TRDN: variants seen among roughly 807,000 people sequenced by gnomAD.
TRDN encodes triadin.
TRDN carries 161 observed loss-of-function variants against 149.7 expected under a neutral mutation model. The observed-to-expected ratio is 1.08, with a 90% confidence interval of 0.95 to 1.23. The LOEUF (loss-of-function observed/expected upper bound fraction) is 1.23, where lower values mean the gene tolerates loss of function less well. Among genes scored for constraint, TRDN ranks in the 50% most tolerant of loss-of-function variants. The pLI, the probability that TRDN is intolerant of heterozygous loss-of-function variation, is 0.00. For missense variants in TRDN, 896 were observed against 823.5 expected (o/e 1.09, Z -1.08); for synonymous variants, 294 against 250.5 (o/e 1.17, Z -1.64).
chr6:123,279,059 G>A lies in TRDN; in HGVS notation c.1534C>T (p.Pro512Ser). Residue 512 changes from proline (P) to serine (S), a missense_variant, in exon 25 of 41, where the codon CCA becomes TCA. Physicochemically the swap from Pro to Ser is moderately conservative, Grantham distance 74. Transcript: ENST00000334268. ...ATTGAGCATGCATATAACATACGTG[G>A]AGGTTTAGGCTTGACTTCTTTGCCT... ...KAGKEVKPKP[P>S]QLQGKKEEKP... is the part of the protein sequence containing the mutation. 6.2e-7 allele frequency: 1 copy of A among 1,608,990 alleles called. No homozygotes were observed. The highest frequency in any genetic ancestry group is 8.5e-7 in the Non-Finnish European group (1 of 1,177,740).
rs76973912 is a variant in TRDN, at chr6:123,348,820, CT to C, written c.1369+3718del. Among the ~76,000 whole-genome samples, 462 of 152,152 alleles carry C rather than the reference CT, an allele frequency of 3.0e-3. 16 individuals carry two copies. In the East Asian group the frequency reaches 0.076, roughly 25 times the overall value. On this transcript the variant is annotated intron_variant, in intron 21 of 40. Coordinates refer to ENST00000334268, the MANE Select transcript of TRDN (RefSeq NM_006073.4). ...GAACATTATAATGAACTTCTGATTT[CT>C]TTTATATAATCTTGTCTAGAATGTC...
chr6:123,257,478 C>T (rs2114581986), intron 35 of TRDN, among the ~76,000 whole-genome samples: 1 of 152,118 alleles, frequency 6.6e-6, no homozygotes, highest in East Asian at 1.9e-4. Context: ...TTTCTGAGGC[C>T]TCTATTCTGT....
At chr6:123,427,707 T>G (rs1366885328) in intron 12 of TRDN, among the ~76,000 whole-genome samples, 4 of 152,178 alleles carry the variant, frequency 2.6e-5, no homozygotes, top group Non-Finnish European at 5.9e-5. Flanking sequence ...GTTCTCTGTT[T>G]CCTGATTTCC....
intron 12 of TRDN, among the ~76,000 whole-genome samples, chr6:123,427,593 T>C (rs1774175153): frequency 6.6e-6 from 1 of 152,074 alleles, no homozygotes; most frequent in Non-Finnish European, 1.5e-5. Flanking sequence ...TCCCACATTG[T>C]CTACTTCTAA....
At chr6:123,620,600 T>C (rs771907768) in intron 1 of TRDN, among the ~76,000 whole-genome samples, 1 of 152,150 alleles carries the variant, frequency 6.6e-6, no homozygotes, top group Admixed American at 6.6e-5. Context: ...AGATTATCTT[T>C]TAATCCTTCT....
At chr6:123,635,989 A>G (rs1335897208) in intron 1 of TRDN, among the ~76,000 whole-genome samples, 1 of 151,994 alleles carries the variant, frequency 6.6e-6, no homozygotes, top group Non-Finnish European at 1.5e-5. Context: ...AGCTTTCAGT[A>G]AAGCATTGAA....
chr6:123,324,671 G>A (rs1052287983), intron 23 of TRDN, among the ~76,000 whole-genome samples: 1 of 152,038 alleles, frequency 6.6e-6, no homozygotes, highest in Non-Finnish European at 1.5e-5. Context: ...AGTTGCACGT[G>A]TATTTCACCT....
chr6:123,440,806 C>T (rs1264103666), intron 10 of TRDN: 1 of 152,112 alleles, frequency 6.6e-6, no homozygotes, highest in African/African-American at 2.4e-5. Flanking sequence ...ATTTATTTTT[C>T]AATTTTCTTT....
At chr6:123,391,106 G>C (rs1286738821) in intron 13 of TRDN, among the ~76,000 whole-genome samples, 3 of 151,748 alleles carry the variant, frequency 2.0e-5, no homozygotes, top group African/African-American at 4.8e-5. Context: ...TTTCCAATTT[G>C]GGTCTATATC....
intron 24 of TRDN, among the ~76,000 whole-genome samples, chr6:123,290,729 A>C (rs567150087): frequency 1.8e-4 from 27 of 152,346 alleles, no homozygotes; most frequent in Admixed American, 3.9e-4. Context: ...TTTATATAAA[A>C]TGTGCCAAAG....
chr6:123,324,752 GATACA>G (rs1779379889), intron 23 of TRDN, among the ~76,000 whole-genome samples: 1 of 152,116 alleles, frequency 6.6e-6, no homozygotes, highest in African/African-American at 2.4e-5. Context: ...TCAGTGCTTG[GATACA>G]ATACTTTTGT....
intron 15 of TRDN, among the ~76,000 whole-genome samples, chr6:123,381,623 ACT>A (rs1781723356): frequency 1.3e-5 from 2 of 152,044 alleles, no homozygotes; most frequent in African/African-American, 4.8e-5. Context: ...CCAGGATTAT[ACT>A]GTTTAACCAT....
chr6:123,455,166 A>G (rs1475591493), intron 10 of TRDN, among the ~76,000 whole-genome samples: 5 of 152,314 alleles, frequency 3.3e-5, no homozygotes, highest in African/African-American at 1.2e-4. Context: ...TTTAGTATGC[A>G]AAAGGAAAGG....
At chr6:123,518,637 G>A (rs779574260) in intron 5 of TRDN, among the ~76,000 whole-genome samples, 3 of 152,102 alleles carry the variant, frequency 2.0e-5, no homozygotes, top group Non-Finnish European at 2.9e-5. Flanking sequence ...GACTGAATTC[G>A]GACTGAAATT....
rs1583044120 is a variant in TRDN, at chr6:123,448,162, G to A, written c.932-9159C>T. Among the ~76,000 whole-genome samples the A allele has an allele frequency of 3.3e-5, 5 of 152,308 alleles. No homozygotes were observed. In the East Asian group the frequency reaches 7.8e-4, roughly 24 times the overall value. On this transcript the variant is annotated intron_variant, in intron 10 of 40. Coordinates refer to ENST00000334268, the MANE Select transcript of TRDN (RefSeq NM_006073.4). Reference sequence around the variant, plus strand: ...CATCAGGAGGGTGGTCAGAAGAGCAGGGGGTAAAACCACAGGGAGAAGAAA... The same window carrying A: ...CATCAGGAGGGTGGTCAGAAGAGCAAGGGGTAAAACCACAGGGAGAAGAAA...
intron 1 of TRDN, among the ~76,000 whole-genome samples, chr6:123,582,646 G>A (rs1241714020): frequency 2.0e-5 from 3 of 152,118 alleles, no homozygotes; most frequent in African/African-American, 4.8e-5. Context: ...ATGGTGGAAT[G>A]TTATCAGTTA....
intron 1 of TRDN, among the ~76,000 whole-genome samples, chr6:123,591,653 G>C (rs1405572461): frequency 6.6e-6 from 1 of 152,162 alleles, no homozygotes; most frequent in East Asian, 1.9e-4. Context: ...GGAAATACAC[G>C]TATTTTAAGA....
intron 12 of TRDN, among the ~76,000 whole-genome samples, chr6:123,401,788 A>G (rs932234724): frequency 6.6e-6 from 1 of 151,992 alleles, no homozygotes; most frequent in Non-Finnish European, 1.5e-5. Context: ...CTCTACTAAA[A>G]ATACAAAAAT....
At position 123,559,353 on chromosome 6, in the gene TRDN, C is replaced by CT. The variant is rs572751742; in HGVS notation, c.233-10742dup. On this transcript the variant is annotated intron_variant, in intron 2 of 40. Transcript: ENST00000334268. Reference sequence around the variant, plus strand: ...TTAGACAATACTCTTTTAAGCACTCCTTTTAATTATCCCCACCTGCCCAGT... The same window carrying CT: ...TTAGACAATACTCTTTTAAGCACTCCTTTTTAATTATCCCCACCTGCCCAGT... 3.2e-4 allele frequency among the ~76,000 whole-genome samples: 48 copies of CT among 152,208 alleles called. No homozygotes were observed. The East Asian group carries it at 5.2e-3, about 17-fold the overall frequency.
Sources: gnomAD v4.1 joint callset for allele counts (sites outside exome capture counted in the v4.1 genomes callset) on GRCh38, gnomAD v4.1.1 for gene constraint, MANE v1.5 for transcripts, NCBI Gene and HGNC (gene_info 2026-07-23, HGNC 2026-07-21) for gene names.